KRABD5: variants seen among roughly 807,000 people sequenced by gnomAD.
KRABD5 encodes the protein KRAB domain containing 5, also known as KRAB domain-containing protein 5.
chr16:31,750,239 T>A, the KRABD5 span, among the ~76,000 whole-genome samples: 15 of 152,190 alleles, frequency 9.9e-5, no homozygotes, highest in Non-Finnish European at 1.6e-4. Context: ...CTTGTAGAGA[T>A]CTTTAACCTC....
At chr16:31,717,376 C>T in the KRABD5 span, among the ~76,000 whole-genome samples, 8 of 152,116 alleles carry the variant, frequency 5.3e-5, no homozygotes, top group Non-Finnish European at 1.0e-4. Flanking sequence ...AAGATAGAGC[C>T]GTATCTTACA....
At chr16:31,717,625 ATC>A in the KRABD5 span, among the ~76,000 whole-genome samples, 1 of 152,092 alleles carries the variant, frequency 6.6e-6, no homozygotes, top group Non-Finnish European at 1.5e-5. Flanking sequence ...TGTTTTTCCA[ATC>A]TCTTAGCAGA....
chr16:31,737,288 G>C, the KRABD5 span, among the ~76,000 whole-genome samples: 1 of 152,162 alleles, frequency 6.6e-6, no homozygotes, highest in Non-Finnish European at 1.5e-5. Flanking sequence ...ATATGACCTT[G>C]TTTATAATAA....
the KRABD5 span, among the ~76,000 whole-genome samples, chr16:31,720,353 C>G: frequency 2.6e-5 from 4 of 152,328 alleles, no homozygotes; most frequent in South Asian, 8.3e-4. Flanking sequence ...CTTCCTCTAG[C>G]TGTGTGCTAC....
chr16:31,734,408 G>T, the KRABD5 span, among the ~76,000 whole-genome samples: 1 of 151,982 alleles, frequency 6.6e-6, no homozygotes, highest in African/African-American at 2.4e-5. Context: ...ATGCCACCGT[G>T]CCTGGCTAAT....
chr16:31,757,993 G>A, the KRABD5 span: 1 of 152,248 alleles, frequency 6.6e-6, no homozygotes, highest in Admixed American at 6.5e-5. Context: ...ACGATTCAGA[G>A]ATAGATAATG....
At chr16:31,714,118 A>G in the KRABD5 span, among the ~76,000 whole-genome samples, 1,437 of 152,334 alleles carry the variant, frequency 9.4e-3, 12 homozygotes, top group Non-Finnish European at 0.015. Flanking sequence ...TCTGTGTTCC[A>G]TATTCTACTG....
chr16:31,739,668 G>A, the KRABD5 span, among the ~76,000 whole-genome samples: 2 of 152,158 alleles, frequency 1.3e-5, no homozygotes, highest in Non-Finnish European at 1.5e-5. Flanking sequence ...TTGCATTTTA[G>A]AATTCCCATT....
At chr16:31,719,380 T>G in the KRABD5 span, among the ~76,000 whole-genome samples, 1 of 152,210 alleles carries the variant, frequency 6.6e-6, no homozygotes, top group Admixed American at 6.5e-5. Flanking sequence ...TTAAATTGCT[T>G]GTTAATGGAT....
the KRABD5 span, among the ~76,000 whole-genome samples, chr16:31,716,128 C>T: frequency 6.6e-6 from 1 of 152,186 alleles, no homozygotes; most frequent in African/African-American, 2.4e-5. Flanking sequence ...TGCCAAAATT[C>T]CCATACAGGT....
chr16:31,736,578 C>A, the KRABD5 span, among the ~76,000 whole-genome samples: 1 of 145,392 alleles, frequency 6.9e-6, no homozygotes, highest in East Asian at 2.0e-4. Flanking sequence ...AGTGCAATGG[C>A]GCGATTTTGG....
the KRABD5 span, chr16:31,755,363 C>G: frequency 2.0e-6 from 1 of 505,136 alleles, no homozygotes; most frequent in Admixed American, 2.1e-5. Context: ...TCAAAGAATT[C>G]ATACCGGAGA....
the KRABD5 span, chr16:31,756,699 A>C: frequency 6.6e-6 from 1 of 152,172 alleles, no homozygotes. Context: ...AAAATCCTGA[A>C]TCATTGTTTA....
At chr16:31,729,093 A>G in the KRABD5 span, among the ~76,000 whole-genome samples, 2 of 152,042 alleles carry the variant, frequency 1.3e-5, no homozygotes, top group African/African-American at 4.8e-5. Context: ...AAGTATAGCT[A>G]CCCCTGCCTG....
the KRABD5 span, among the ~76,000 whole-genome samples, chr16:31,734,092 A>G: frequency 6.6e-6 from 1 of 152,292 alleles, no homozygotes; most frequent in African/African-American, 2.4e-5. Flanking sequence ...TTAAATTGAT[A>G]CAATGTTAAT....
chr16:31,720,499 C>T, the KRABD5 span, among the ~76,000 whole-genome samples: 1 of 152,188 alleles, frequency 6.6e-6, no homozygotes, highest in Non-Finnish European at 1.5e-5. Context: ...AAGTGATTCT[C>T]AGCTCAGGCT....
At chr16:31,733,460 G>A in the KRABD5 span, 1 of 455,292 alleles carries the variant, frequency 2.2e-6, no homozygotes, top group South Asian at 1.6e-5. Context: ...TTAGTGTTAA[G>A]TATAGTCATA....
chr16:31,755,551 T>C, the KRABD5 span: 2 of 462,726 alleles, frequency 4.3e-6, no homozygotes, highest in South Asian at 3.1e-5. Context: ...TGAAACCATA[T>C]ATATGTAAGG....
At chr16:31,745,800 TC>T in the KRABD5 span, among the ~76,000 whole-genome samples, 2 of 152,344 alleles carry the variant, frequency 1.3e-5, no homozygotes, top group East Asian at 3.9e-4. Context: ...ATATGGGTGT[TC>T]CTGTATTGGG....
Sources: allele counts gnomAD v4.1 joint callset (sites outside exome capture counted in the v4.1 genomes callset), GRCh38; gene constraint gnomAD v4.1.1; transcripts MANE v1.5; gene names NCBI Gene and HGNC (gene_info 2026-07-23, HGNC 2026-07-21).